Variants in SDHA observed in about 807,000 individuals in gnomAD.
SDHA encodes the protein succinate dehydrogenase [ubiquinone] flavoprotein subunit, mitochondrial.
Under a neutral mutation model 78.4 loss-of-function variants are expected in SDHA, and 48 were observed. The ratio of observed to expected loss-of-function variants is 0.61; its 90% CI spans 0.49 to 0.78. SDHA has a LOEUF of 0.78. Ranked by LOEUF, SDHA falls within the 30% of genes least tolerant of loss-of-function variation. The pLI, the probability that SDHA is intolerant of heterozygous loss-of-function variation, is 0.00. For synonymous variants in SDHA, 326 were observed against 353.9 expected, an observed-to-expected ratio of 0.92 and a Z score of 0.88; for missense variants, 680 against 892.7, an observed-to-expected ratio of 0.76 and a Z score of 3.04.
At chr5:232,867 G>C (rs1735504928) in intron 7 of SDHA, among the ~76,000 whole-genome samples, 1 of 152,178 alleles carries the variant, frequency 6.6e-6, no homozygotes, top group Non-Finnish European at 1.5e-5. Flanking sequence ...CAGACCGCCG[G>C]ACTACCCAGG....
At chr5:258,687 C>T (rs1201253192), downstream of SDHA, among the ~76,000 whole-genome samples, 2 of 102,296 alleles carry the variant, frequency 2.0e-5, no homozygotes, top group Non-Finnish European at 1.8e-5. Context: ...ACAGCATTAC[C>T]GTGTGAGCTC....
chr5:233,430 A>C, intron 7 of SDHA, 47 bp from the exon 8 acceptor site: 3 of 1,593,236 alleles, frequency 1.9e-6, no homozygotes, highest in Non-Finnish European at 2.6e-6. Context: ...CATTTGAAAT[A>C]GAGATCTAGC....
chr5:236,060 T>C (rs1646583152), intron 9 of SDHA: 8 of 334,374 alleles, frequency 2.4e-5, no homozygotes, highest in South Asian at 2.1e-4. Context: ...AGTCTCACTC[T>C]GTTGCTTCGG....
intron 10 of SDHA, among the ~76,000 whole-genome samples, chr5:238,262 A>G (rs1447867995): frequency 6.6e-6 from 1 of 152,150 alleles, no homozygotes; most frequent in Non-Finnish European, 1.5e-5. Context: ...GCTGAGACTT[A>G]CAGACACAAC....
chr5:221,970 C>T (rs1734740894), intron 1 of SDHA, among the ~76,000 whole-genome samples: 1 of 152,172 alleles, frequency 6.6e-6, no homozygotes, highest in Non-Finnish European at 1.5e-5. Context: ...AGTGATCTCA[C>T]TGTTTCTACT....
chr5:265,872 A>G, the SDHA span, among the ~76,000 whole-genome samples: 1 of 151,178 alleles, frequency 6.6e-6, no homozygotes, highest in South Asian at 2.1e-4. Context: ...TGGTTCTCTA[A>G]CCTGTGTAAC....
chr5:246,181 G>A (rs539185180), intron 11 of SDHA, among the ~76,000 whole-genome samples: 17 of 152,176 alleles, frequency 1.1e-4, no homozygotes, highest in African/African-American at 2.9e-4. Context: ...AGCTGCAGCC[G>A]ATCGAAAAGC....
chr5:224,719 G>T, intron 3 of SDHA, 198 bp downstream of exon 3: 4 of 617,200 alleles, frequency 6.5e-6, no homozygotes, highest in Non-Finnish European at 8.6e-6. Flanking sequence ...GAGACTTGTT[G>T]TCACTCCTAA....
intron 1 of SDHA, among the ~76,000 whole-genome samples, chr5:221,295 C>G (rs1461894524): frequency 6.6e-6 from 1 of 152,138 alleles, no homozygotes; most frequent in East Asian, 1.9e-4. Flanking sequence ...GTTTCTTTAG[C>G]GGATATGCAG....
intron 11 of SDHA, among the ~76,000 whole-genome samples, chr5:241,628 TC>T (rs1736146942): frequency 6.6e-6 from 1 of 152,230 alleles, no homozygotes; most frequent in Non-Finnish European, 1.5e-5. Context: ...TAACAAGGAT[TC>T]TTGTCCATGA....
chr5:228,717 A>C (rs1655204857), intron 6 of SDHA, among the ~76,000 whole-genome samples: 1 of 152,206 alleles, frequency 6.6e-6, no homozygotes, highest in Non-Finnish European at 1.5e-5. Context: ...CTTCTTCTCC[A>C]CATGATGAAA....
intron 7 of SDHA, 151 bp from the exon 8 acceptor site, chr5:233,326 G>C (rs1167879925): frequency 1.3e-6 from 1 of 778,680 alleles, no homozygotes; most frequent in Non-Finnish European, 2.2e-6. Flanking sequence ...ACTTTCTACT[G>C]TATCTTAACT....
chr5:233,452 A>G, intron 7 of SDHA, 25 bp from the exon 8 acceptor site: 2 of 1,611,858 alleles, frequency 1.2e-6, no homozygotes, highest in Middle Eastern at 3.3e-4. Context: ...ATTGTTAGGT[A>G]ATAAATATGT....
intron 11 of SDHA, among the ~76,000 whole-genome samples, chr5:244,823 TACA>T (rs1193202638): frequency 6.6e-6 from 1 of 152,178 alleles, no homozygotes; most frequent in Non-Finnish European, 1.5e-5. Context: ...AGAGATTTAT[TACA>T]ACGATGGGGA....
chr5:228,519 G>A (rs1463429478), intron 6 of SDHA, among the ~76,000 whole-genome samples, 186 bp downstream of exon 6: 4 of 152,174 alleles, frequency 2.6e-5, no homozygotes, highest in African/African-American at 9.7e-5. Flanking sequence ...GAGGACAGGA[G>A]CACCTGCCTC....
the SDHA span, among the ~76,000 whole-genome samples, chr5:264,679 A>T: frequency 6.6e-6 from 1 of 152,238 alleles, no homozygotes; most frequent in African/African-American, 2.4e-5. Context: ...GCCCAACTGC[A>T]CATCAGGCTG....
Position 233,490 on chromosome 5 carries a change from T to G in SDHA, c.909T>G (p.Ala303=), listed in dbSNP as rs1288729347. 1 of 1,614,096 alleles carries G rather than the reference T, an allele frequency of 6.2e-7. No individual in the cohort carries two copies. The highest frequency in any genetic ancestry group is 8.5e-7 in the Non-Finnish European group (1 of 1,180,018). ...GGTTTTTTGCAGGCATATATGGTGC[T>G]GGTTGTCTCATTACGGAAGGATGTC... ...VQFHPTGIYG[A]GCLITEGCRG... The change falls in exon 8 of 15, where the codon GCT becomes GCG. Residue 303 remains alanine (A), a synonymous_variant. Coordinates refer to ENST00000264932, the MANE Select transcript of SDHA (RefSeq NM_004168.4).
Position 251,063 on chromosome 5 carries a change from G to A in SDHA, c.1623G>A (p.Lys541=), listed in dbSNP as rs35502109. The part of the protein sequence containing the change: ...VLQEGCGKIS[K]LYGDLKHLKT... ...AAGAAGGTTGTGGGAAAATCAGCAAGCTCTATGGAGACCTAAAGCACCTGA... is the reference window on the plus strand; with the variant it reads ...AAGAAGGTTGTGGGAAAATCAGCAAACTCTATGGAGACCTAAAGCACCTGA... Residue 541 remains lysine (K), a synonymous_variant, in exon 12 of 15, where the codon AAG becomes AAA. Transcript: ENST00000264932. 2.2e-3 allele frequency: 3,516 copies of A among 1,612,024 alleles called. 14 individuals carry two copies. The Middle Eastern group carries it at 0.025, about 11-fold the overall frequency.
chr5:226,149 C>T (rs6555057), intron 5 of SDHA, 102 bp downstream of exon 5: 181,046 of 1,335,246 alleles, frequency 0.14, 18,358 homozygotes, highest in African/African-American at 0.52. Context: ...CCAGAGATTA[C>T]GTAAAAAGCA....
Sources: allele counts gnomAD v4.1 joint callset (sites outside exome capture counted in the v4.1 genomes callset), GRCh38; gene constraint gnomAD v4.1.1; transcripts MANE v1.5; gene names NCBI Gene and HGNC (gene_info 2026-07-23, HGNC 2026-07-21).